MACF1: variants seen among roughly 807,000 people sequenced by gnomAD.
MACF1 encodes the protein microtubule actin crosslinking factor 1.
A neutral mutation model predicts 854.8 loss-of-function variants in MACF1; 193 were observed. That is an observed-to-expected ratio of 0.23 (90% confidence interval 0.20 to 0.25). The LOEUF (loss-of-function observed/expected upper bound fraction) is 0.25, where lower values mean the gene tolerates loss of function less well. MACF1 is among the 10% of genes least tolerant of loss of function. The probability of loss-of-function intolerance (pLI) is 1.00; values close to 1 mark genes in which losing one functional copy is unlikely to be tolerated. For missense variants in MACF1, 7,722 were observed against 8,929.1 expected, an observed-to-expected ratio of 0.86 and a Z score of 5.45; for synonymous variants, 3,185 against 3,226.7, an observed-to-expected ratio of 0.99 and a Z score of 0.44.
At chr1:39,414,293 C>A in intron 58 of MACF1, 1 of 1,614,046 alleles carries the variant, frequency 6.2e-7, no homozygotes, top group Non-Finnish European at 8.5e-7. Context: ...CTGGGAGTTT[C>A]TGCCCACACT....
intron 2 of MACF1, among the ~76,000 whole-genome samples, chr1:39,189,352 A>G (rs959979712): frequency 2.0e-5 from 3 of 152,154 alleles, no homozygotes; most frequent in African/African-American, 7.2e-5. Flanking sequence ...GCTATTTCTT[A>G]TTCTTATTTT....
intron 2 of MACF1, among the ~76,000 whole-genome samples, chr1:39,147,041 T>C (rs997561001): frequency 6.6e-6 from 1 of 151,514 alleles, no homozygotes; most frequent in Non-Finnish European, 1.5e-5. Context: ...TCCTTCTTCT[T>C]CTCCTCCTCC....
chr1:39,133,062 C>G (rs1332201050), intron 2 of MACF1, among the ~76,000 whole-genome samples: 3 of 152,300 alleles, frequency 2.0e-5, no homozygotes, highest in South Asian at 4.1e-4. Context: ...ACTATTAGTC[C>G]CTGGGGGAAG....
intron 2 of MACF1, among the ~76,000 whole-genome samples, chr1:39,158,835 T>G (rs759151266): frequency 2.6e-5 from 4 of 152,200 alleles, no homozygotes; most frequent in Non-Finnish European, 4.4e-5. Context: ...CTTGTAAATG[T>G]GGTCAAAGTC....
intron 14 of MACF1, 66 bp downstream of exon 14, chr1:39,285,824 A>G: frequency 6.4e-7 from 1 of 1,557,398 alleles, no homozygotes; most frequent in Non-Finnish European, 8.8e-7. Flanking sequence ...GATCAAGAGT[A>G]GAGCAAGAGT....
intron 2 of MACF1, among the ~76,000 whole-genome samples, chr1:39,184,983 C>T (rs1413104477): frequency 6.6e-6 from 1 of 152,172 alleles, no homozygotes; most frequent in Non-Finnish European, 1.5e-5. Flanking sequence ...GAAGATACTA[C>T]CTCTCTTTAA....
intron 2 of MACF1, among the ~76,000 whole-genome samples, chr1:39,101,174 A>G (rs911501610): frequency 2.2e-4 from 33 of 151,358 alleles, no homozygotes; most frequent in African/African-American, 7.5e-4. Context: ...CTGGCCAACA[A>G]GGTGAAACCC....
intron 51 of MACF1, among the ~76,000 whole-genome samples, chr1:39,372,112 C>T (rs1459448966): frequency 6.6e-6 from 1 of 152,148 alleles, no homozygotes; most frequent in African/African-American, 2.4e-5. Flanking sequence ...AACCACCATG[C>T]CCAGCCATTA....
At chr1:39,439,562 A>C in intron 72 of MACF1, 62 bp downstream of exon 72, 1 of 1,334,270 alleles carries the variant, frequency 7.5e-7, no homozygotes, top group Non-Finnish European at 1.1e-6. Context: ...CACTTTATCA[A>C]ATCAAAGTGA....
chr1:39,211,660 A>G (rs1318895960), intron 1 of MACF1, among the ~76,000 whole-genome samples: 2 of 152,034 alleles, frequency 1.3e-5, no homozygotes, highest in Non-Finnish European at 2.9e-5. Context: ...AGGTGGGTGG[A>G]TCATGAGGTC....
chr1:39,193,764 T>C (rs1644284099), intron 2 of MACF1, among the ~76,000 whole-genome samples: 1 of 152,120 alleles, frequency 6.6e-6, no homozygotes, highest in Non-Finnish European at 1.5e-5. Context: ...TCACAAATTA[T>C]ATTTACAGCC....
intron 95 of MACF1, chr1:39,467,875 A>C (rs1644701880): frequency 1.3e-5 from 2 of 152,214 alleles, no homozygotes; most frequent in African/African-American, 4.8e-5. Flanking sequence ...TTGAAATAGT[A>C]TTCACTATTT....
At position 39,469,583 on chromosome 1, in the gene MACF1, C is replaced by T; in HGVS notation, c.21926C>T (p.Ser7309Phe). 1 of 1,550,492 alleles carries T rather than the reference C, an allele frequency of 6.4e-7. No individual in the cohort carries two copies. Among genetic ancestry groups the T allele is most frequent in the South Asian group, 1.2e-5 (1 of 84,056 alleles). ...GGGAGTAAAATAAAGCGCTCTGATTCCAGCTCTTCGATTTCCAGTCAGTCT... is the reference window on the plus strand; with the variant it reads ...GGGAGTAAAATAAAGCGCTCTGATTTCAGCTCTTCGATTTCCAGTCAGTCT... ...HPGSKIKRSD[S>F]SSSISSQSPI... Residue 7309 changes from serine (S) to phenylalanine (F), a missense_variant, in exon 97 of 101, where the codon TCC becomes TTC. Transcript: ENST00000564288.
chr1:39,368,744 G>A (rs539365108), intron 50 of MACF1, among the ~76,000 whole-genome samples: 2 of 151,854 alleles, frequency 1.3e-5, no homozygotes, highest in Admixed American at 6.6e-5. Context: ...TCAGGTGATC[G>A]ACCTGCCTCC....
intron 2 of MACF1, among the ~76,000 whole-genome samples, chr1:39,136,706 A>G (rs1643179438): frequency 6.6e-6 from 1 of 152,208 alleles, no homozygotes; most frequent in Non-Finnish European, 1.5e-5. Context: ...AAAGTGAATT[A>G]ATTCTATATT....
In MACF1 at chr1:39,385,603, C is replaced by T. The variant is rs187312070; in HGVS notation, c.14018C>T (p.Ser4673Phe). 6.2e-7 allele frequency: 1 copy of T among 1,614,108 alleles called. No individual in the cohort carries two copies. Among genetic ancestry groups the T allele is most frequent in the African/African-American group, 1.3e-5 (1 of 75,010 alleles). ...KWVELTDKLN[S>F]RSSQIDQAIV... ...GTTGAGCTGACTGACAAACTCAACT[C>T]CCGTTCCAGCCAAATTGACCAAGCT... The change falls in exon 57 of 101, where the codon TCC (serine) becomes TTC (phenylalanine). Residue 4673 changes from serine to phenylalanine, a missense_variant. Ser to Phe is a radical substitution (Grantham distance 155). Around this residue, in one of 15 missense-constraint regions of MACF1, gnomAD observed 2,807 missense variants for 3,235.8 expected, o/e 0.87. Coordinates refer to ENST00000564288, the MANE Select transcript of MACF1 (RefSeq NM_001394062.1).
intron 28 of MACF1, 42 bp from the exon 29 acceptor site, chr1:39,317,172 A>G (rs769260236): frequency 3.3e-5 from 53 of 1,588,274 alleles, no homozygotes; most frequent in Middle Eastern, 1.8e-4. Context: ...CCTTTTTAGC[A>G]TGGAAAGTAT....
intron 24 of MACF1, 83 bp from the exon 25 acceptor site, chr1:39,310,162 T>C: frequency 9.1e-7 from 1 of 1,093,320 alleles, no homozygotes; most frequent in Non-Finnish European, 1.3e-6. Flanking sequence ...GTTTTGTATA[T>C]ATGTTACTTC....
intron 6 of MACF1, among the ~76,000 whole-genome samples, chr1:39,278,973 C>T (rs1246272799): frequency 6.6e-6 from 1 of 152,182 alleles, no homozygotes; most frequent in African/African-American, 2.4e-5. Flanking sequence ...ATTTTAACTG[C>T]CAAGTGATTC....
Sources: gnomAD v4.1 joint callset for allele counts (sites outside exome capture counted in the v4.1 genomes callset) on GRCh38, gnomAD v4.1.1 for gene constraint, gnomAD v4.1.1 regional missense constraint, MANE v1.5 for transcripts, NCBI Gene and HGNC (gene_info 2026-07-23, HGNC 2026-07-21) for gene names.